PLD1: variants seen among roughly 807,000 people sequenced by gnomAD.
PLD1 encodes choline phosphatase 1.
A neutral mutation model predicts 137.1 loss-of-function variants in PLD1; 112 were observed. That is an observed-to-expected ratio of 0.82 (90% CI 0.70 to 0.96). The LOEUF (loss-of-function observed/expected upper bound fraction) is 0.96. Ranked by LOEUF, PLD1 falls within the 40% of genes least tolerant of loss-of-function variation. The pLI is 0.00. For synonymous variants in PLD1, 431 were observed against 454.7 expected, an observed-to-expected ratio of 0.95 and a Z score of 0.66; for missense variants, 1,321 against 1,342.0, an observed-to-expected ratio of 0.98 and a Z score of 0.24.
intron 8 of PLD1, among the ~76,000 whole-genome samples, chr3:171,723,998 T>G (rs542663384): frequency 9.8e-5 from 15 of 152,338 alleles, no homozygotes; most frequent in African/African-American, 3.6e-4. Flanking sequence ...AATATTCCAC[T>G]CTATAGGAAT....
chr3:171,763,833 T>C (rs1161539976), intron 1 of PLD1, among the ~76,000 whole-genome samples: 1 of 46,424 alleles, frequency 2.2e-5, no homozygotes, highest in Non-Finnish European at 4.8e-5. Context: ...TTTCTTTCTT[T>C]TTTTTTTTTT....
At chr3:171,712,667 A>C (rs1021372783) in intron 9 of PLD1, among the ~76,000 whole-genome samples, 2 of 152,206 alleles carry the variant, frequency 1.3e-5, no homozygotes. Flanking sequence ...TACACCAGGA[A>C]GGAAGGTAAT....
intron 1 of PLD1, among the ~76,000 whole-genome samples, chr3:171,796,583 C>T (rs1208599827): frequency 6.6e-6 from 1 of 152,202 alleles, no homozygotes; most frequent in Non-Finnish European, 1.5e-5. Context: ...CCCTCAAACC[C>T]TTAATTACAA....
intron 19 of PLD1, among the ~76,000 whole-genome samples, chr3:171,668,540 T>TTTCC (rs1296303525): frequency 2.0e-5 from 3 of 152,198 alleles, no homozygotes; most frequent in African/African-American, 7.2e-5. Context: ...TTTCTTTTTT[T>TTTCC]TTCCTTCCTC....
chr3:171,667,826 A>T (rs765190563), intron 19 of PLD1, among the ~76,000 whole-genome samples: 24 of 152,226 alleles, frequency 1.6e-4, no homozygotes, highest in Non-Finnish European at 2.9e-4. Flanking sequence ...ATCTCTGCTC[A>T]CTGTAACTTC....
chr3:171,634,723 T>C (rs1734956602), intron 23 of PLD1, among the ~76,000 whole-genome samples: 1 of 152,206 alleles, frequency 6.6e-6, no homozygotes, highest in South Asian at 2.1e-4. Flanking sequence ...CTTGTCAATA[T>C]TTTAAATTTG....
chr3:171,701,505 TTAAG>T (rs1716234490), intron 11 of PLD1, among the ~76,000 whole-genome samples: 1 of 152,230 alleles, frequency 6.6e-6, no homozygotes, highest in Non-Finnish European at 1.5e-5. Context: ...TACTCTGCAA[TTAAG>T]TATTTATCAT....
At chr3:171,761,352 C>T (rs868701557) in intron 1 of PLD1, among the ~76,000 whole-genome samples, 1 of 152,258 alleles carries the variant, frequency 6.6e-6, no homozygotes, top group Admixed American at 6.5e-5. Context: ...AAAGGAGATG[C>T]TTCATCAGCC....
At position 171,737,521 on chromosome 3, in the gene PLD1, A is replaced by AAC; in HGVS notation, c.288+9_288+10dup. ...CAAAAGAAAAAAGGGTGAGTCCATA[A>AAC]ACGCTCTGACCCTTGTTGTAGATGT... On this transcript the variant is annotated intron_variant, in intron 3 of 26. Transcript: ENST00000351298. 4 of 1,597,146 alleles carry AAC rather than the reference A, an allele frequency of 2.5e-6. No homozygotes were observed. The highest frequency in any genetic ancestry group is 2.6e-6 in the Non-Finnish European group (3 of 1,175,748).
chr3:171,637,953 G>C (rs907795283), intron 23 of PLD1, among the ~76,000 whole-genome samples: 2 of 151,974 alleles, frequency 1.3e-5, no homozygotes, highest in African/African-American at 4.8e-5. Flanking sequence ...GGCCGAGGTG[G>C]GTGGATCACG....
chr3:171,713,974 A>G lies in PLD1; in HGVS notation c.830T>C (p.Leu277Pro). The G allele has an allele frequency of 1.9e-6, 3 of 1,610,782 alleles. No individual in the cohort carries two copies. The highest frequency in any genetic ancestry group is 2.7e-5 in the African/African-American group (2 of 75,000). The change falls in exon 9 of 27, where the codon CTG becomes CCG. Residue 277 changes from leucine to proline, a missense_variant. Leu to Pro is a moderately conservative substitution (Grantham distance 98). Coordinates refer to ENST00000351298, the MANE Select transcript of PLD1 (RefSeq NM_002662.5). ...CTTAATTTTGAATTCTTTGTCTACCAGCAGGACGAAGGCAATGGCACCGCT... is the reference window on the plus strand; with the variant it reads ...CTTAATTTTGAATTCTTTGTCTACCGGCAGGACGAAGGCAATGGCACCGCT... ...PDSGAIAFVL[L>P]VDKEFKIKVG...
In PLD1 at chr3:171,676,773, T is replaced by C; in HGVS notation, c.2057A>G (p.His686Arg). 1.2e-6 allele frequency: 2 copies of C among 1,614,158 alleles called. No individual in the cohort carries two copies. The highest frequency in any genetic ancestry group is 1.7e-6 in the Non-Finnish European group (2 of 1,180,000). Residue 686 changes from histidine (H) to arginine (R), a missense_variant, in exon 18 of 27, where the codon CAC becomes CGC. Transcript: ENST00000351298. Reference protein sequence around the residue: ...MPWHDIASAVHGKAARDVARH... With the variant: ...MPWHDIASAVRGKAARDVARH... ...TGCCACATCACGAGCCGCCTTCCCG[T>C]GGACTGCAGAGGCAATGTCATGCCA...
chr3:171,786,569 C>T (rs1723019765), intron 1 of PLD1, among the ~76,000 whole-genome samples: 1 of 152,160 alleles, frequency 6.6e-6, no homozygotes, highest in African/African-American at 2.4e-5. Context: ...ATTAGGAGCA[C>T]TAGAATATTT....
chr3:171,778,571 C>T (rs1425936881), intron 1 of PLD1, among the ~76,000 whole-genome samples: 1 of 152,016 alleles, frequency 6.6e-6, no homozygotes, highest in Admixed American at 6.6e-5. Context: ...GAGACCTGAA[C>T]GAAGTGAGGT....
chr3:171,803,498 G>A (rs1020240677), intron 1 of PLD1, among the ~76,000 whole-genome samples: 1 of 152,196 alleles, frequency 6.6e-6, no homozygotes, highest in Non-Finnish European at 1.5e-5. Flanking sequence ...ATTCCTGGAA[G>A]GCCAAGGCAG....
At chr3:171,656,386 G>A (rs976104033) in intron 21 of PLD1, among the ~76,000 whole-genome samples, 2 of 152,064 alleles carry the variant, frequency 1.3e-5, no homozygotes, top group African/African-American at 2.4e-5. Context: ...GGTCAGACTG[G>A]TCTCAAACTC....
chr3:171,779,714 T>C (rs1208666955), intron 1 of PLD1, among the ~76,000 whole-genome samples: 1 of 148,950 alleles, frequency 6.7e-6, no homozygotes, highest in African/African-American at 2.5e-5. Context: ...AGATTAGGAC[T>C]GGAGTTTGGA....
intron 1 of PLD1, among the ~76,000 whole-genome samples, chr3:171,800,104 G>GTTATA (rs1723585004): frequency 6.6e-6 from 1 of 152,206 alleles, no homozygotes; most frequent in Non-Finnish European, 1.5e-5. Context: ...ATATACCTAT[G>GTTATA]TGAGATGTTA....
At chr3:171,645,476 G>A (rs1367367521) in intron 21 of PLD1, among the ~76,000 whole-genome samples, 3 of 152,096 alleles carry the variant, frequency 2.0e-5, no homozygotes, top group East Asian at 1.9e-4. Context: ...AGCCTAGATC[G>A]CAGGGGCAAA....
Sources: allele counts gnomAD v4.1 joint callset (sites outside exome capture counted in the v4.1 genomes callset), GRCh38; gene constraint gnomAD v4.1.1; transcripts MANE v1.5; gene names NCBI Gene and HGNC (gene_info 2026-07-23, HGNC 2026-07-21).